The following CDH23 variants were observed in gnomAD, a reference collection of about 807,000 sequenced individuals.
CDH23 encodes cadherin-23.
CDH23 carries 189 observed loss-of-function variants against 317.1 expected under a neutral mutation model. The ratio of observed to expected loss-of-function variants is 0.60; its 90% CI spans 0.53 to 0.67. CDH23 has a LOEUF of 0.67. Among genes scored for constraint, CDH23 ranks in the 30% least tolerant of loss-of-function variants. The pLI is 0.00. For missense variants in CDH23, 4,401 were observed against 4,592.4 expected (o/e 0.96, Z 1.20); for synonymous variants, 1,839 against 1,876.8 (o/e 0.98, Z 0.52).
At chr10:71,407,986 C>A (rs1318355372) in intron 1 of CDH23, among the ~76,000 whole-genome samples, 1 of 152,102 alleles carries the variant, frequency 6.6e-6, no homozygotes, top group East Asian at 1.9e-4. Context: ...GTTGCGATAA[C>A]CTAAAAATCG....
intron 68 of CDH23, 55 bp downstream of exon 68, chr10:71,812,945 C>T: frequency 6.2e-7 from 1 of 1,600,438 alleles, no homozygotes; most frequent in Non-Finnish European, 8.5e-7. Flanking sequence ...TTGGACCCCA[C>T]TCCAGAGAAC....
At chr10:71,490,895 G>T (rs947406437) in intron 3 of CDH23, among the ~76,000 whole-genome samples, 2 of 152,116 alleles carry the variant, frequency 1.3e-5, no homozygotes, top group African/African-American at 4.8e-5. Context: ...GCAGATCCAG[G>T]ATTGAAACAC....
chr10:71,781,433 A>T (rs1282866294), intron 41 of CDH23, among the ~76,000 whole-genome samples: 1 of 152,146 alleles, frequency 6.6e-6, no homozygotes, highest in Non-Finnish European at 1.5e-5. Flanking sequence ...TTGTAATTTT[A>T]TGGGAGTCCC....
intron 28 of CDH23, among the ~76,000 whole-genome samples, chr10:71,718,541 G>C (rs1866399110): frequency 6.6e-6 from 1 of 152,264 alleles, no homozygotes; most frequent in South Asian, 2.1e-4. Context: ...TCTGAGCAGG[G>C]AGGAGGGATG....
chr10:71,787,840 G>A (rs552847898), intron 44 of CDH23, among the ~76,000 whole-genome samples: 24 of 152,318 alleles, frequency 1.6e-4, no homozygotes, highest in African/African-American at 5.5e-4. Context: ...ATAGTGTGGC[G>A]ATAAACATGT....
chr10:71,704,327 G>A (rs1042842391), intron 24 of CDH23, among the ~76,000 whole-genome samples: 2 of 152,172 alleles, frequency 1.3e-5, no homozygotes, highest in African/African-American at 2.4e-5. Context: ...CAGGACTGGA[G>A]GTGCAGATGA....
chr10:71,500,854 T>C (rs1428129854), intron 3 of CDH23, among the ~76,000 whole-genome samples: 1 of 151,368 alleles, frequency 6.6e-6, no homozygotes, highest in East Asian at 1.9e-4. Context: ...TCTTCCTTTC[T>C]TTCTTTCTTT....
In CDH23 at chr10:71,715,816, A is replaced by T. The variant is rs1866192109; in HGVS notation, c.3369+3003A>T. 6.2e-6 allele frequency: 6 copies of T among 966,860 alleles called. No individual in the cohort carries two copies. The East Asian group carries it at 1.9e-4, about 30-fold the overall frequency. The allele number at this position is 966,860 out of a possible 1,614,324, so 59.9% of individuals were successfully genotyped here. On this transcript the variant is annotated intron_variant, in intron 28 of 69. Coordinates refer to ENST00000224721, the MANE Select transcript of CDH23 (RefSeq NM_022124.6). ...GGCATGCAAGGAGCTTCGGGGGGTGAGTGTGTGTCCCAGACTGCTTGGGCC... is the reference window on the plus strand; with the variant it reads ...GGCATGCAAGGAGCTTCGGGGGGTGTGTGTGTGTCCCAGACTGCTTGGGCC...
intron 11 of CDH23, among the ~76,000 whole-genome samples, chr10:71,624,318 A>C (rs1052827563): frequency 5.3e-5 from 8 of 152,248 alleles, no homozygotes; most frequent in Non-Finnish European, 8.8e-5. Context: ...GGGAAGGACG[A>C]GAGAGGCAGC....
chr10:71,669,527 A>C (rs564495327), intron 14 of CDH23, among the ~76,000 whole-genome samples: 58 of 150,680 alleles, frequency 3.8e-4, no homozygotes, highest in Admixed American at 2.7e-3. Context: ...TGCTCACTGC[A>C]ACCTCCACCT....
chr10:71,530,965 G>T (rs1031705535), intron 6 of CDH23, among the ~76,000 whole-genome samples: 1 of 152,230 alleles, frequency 6.6e-6, no homozygotes, highest in Non-Finnish European at 1.5e-5. Flanking sequence ...TACATAGAGA[G>T]CCTGTCTGAA....
chr10:71,424,348 G>A (rs751432054), intron 1 of CDH23, among the ~76,000 whole-genome samples: 8 of 152,230 alleles, frequency 5.3e-5, no homozygotes, highest in Non-Finnish European at 7.3e-5. Flanking sequence ...CATGCCCCTT[G>A]CTCCTTTTAG....
At chr10:71,667,904 G>A (rs765509290) in intron 14 of CDH23, among the ~76,000 whole-genome samples, 3 of 152,056 alleles carry the variant, frequency 2.0e-5, no homozygotes, top group Non-Finnish European at 2.9e-5. Context: ...TACATGAGAG[G>A]GTGCCATGGG....
chr10:71,448,156 T>C (rs998266750), intron 3 of CDH23, among the ~76,000 whole-genome samples: 1 of 152,182 alleles, frequency 6.6e-6, no homozygotes, highest in Non-Finnish European at 1.5e-5. Context: ...TGCCAGGTTC[T>C]GAGCGTGGGG....
At chr10:71,633,543 G>A (rs939819437) in intron 11 of CDH23, among the ~76,000 whole-genome samples, 12 of 152,074 alleles carry the variant, frequency 7.9e-5, no homozygotes, top group East Asian at 1.9e-4. Context: ...CCCTCTACCC[G>A]GAGCCCAGCA....
chr10:71,707,654 T>G (rs1257810967), intron 26 of CDH23: 8 of 544,846 alleles, frequency 1.5e-5, no homozygotes, highest in Admixed American at 5.8e-5. Flanking sequence ...GCCATGGGTT[T>G]GCCATTCCTG....
chr10:71,647,343 G>A (rs994530265), intron 14 of CDH23, among the ~76,000 whole-genome samples: 1 of 152,128 alleles, frequency 6.6e-6, no homozygotes, highest in Non-Finnish European at 1.5e-5. Context: ...CACGCCTGTA[G>A]TCCCAGCTAC....
chr10:71,536,324 G>T (rs1322025954), intron 6 of CDH23, among the ~76,000 whole-genome samples: 1 of 152,218 alleles, frequency 6.6e-6, no homozygotes, highest in Non-Finnish European at 1.5e-5. Context: ...GGAGGAATGA[G>T]TTTGGTCTGA....
intron 30 of CDH23, among the ~76,000 whole-genome samples, chr10:71,727,415 A>G (rs936569108): frequency 6.6e-6 from 1 of 152,210 alleles, no homozygotes; most frequent in African/African-American, 2.4e-5. Context: ...GCTTGGTGGC[A>G]CTGTAGTACA....
Sources: gnomAD v4.1 joint callset for allele counts (sites outside exome capture counted in the v4.1 genomes callset) on GRCh38, gnomAD v4.1.1 for gene constraint, MANE v1.5 for transcripts, NCBI Gene and HGNC (gene_info 2026-07-23, HGNC 2026-07-21) for gene names.